The following PDLIM2 variants were observed in gnomAD, a reference collection of about 807,000 sequenced individuals.
PDLIM2 encodes the protein PDZ and LIM domain 2.
PDLIM2 carries 51 observed loss-of-function variants against 54.1 expected under a neutral mutation model. The ratio of observed to expected loss-of-function variants is 0.94; its 90% CI spans 0.75 to 1.19. The LOEUF is 1.19. Among genes scored for constraint, PDLIM2 ranks in the 50% most tolerant of loss-of-function variants. PDLIM2 has a pLI of 0.00. For synonymous variants in PDLIM2, 398 were observed against 385.6 expected (o/e 1.03, Z -0.38); for missense variants, 912 against 874.0 (o/e 1.04, Z -0.55).
At chr8:22,584,884 C>A (rs1042304371) in exon 4 of PDLIM2, 4 of 1,614,176 alleles carry the variant, frequency 2.5e-6, no homozygotes, top group Non-Finnish European at 3.4e-6. Context: ...TGGCGACTCG[C>A]TTCCAGGTAA....
At chr8:22,584,028 G>A (rs1338001035) in intron 3 of PDLIM2, among the ~76,000 whole-genome samples, 2 of 151,878 alleles carry the variant, frequency 1.3e-5, no homozygotes, top group South Asian at 2.1e-4. Context: ...TTGAGATGGA[G>A]TCTCACTCTG....
chr8:22,584,808 G>A lies in PDLIM2; in HGVS notation c.996-13G>A, dbSNP rs1167555710. 1.2e-6 allele frequency: 2 copies of A among 1,613,878 alleles called. No homozygotes were observed. The highest frequency in any genetic ancestry group is 2.7e-5 in the African/African-American group (2 of 75,046). ...GGCCCCTGTGACATTCCCTCCCTCT[G>A]TTGCCTTCTCAGGTCTCAGGCTACG... On this transcript the variant is annotated splice_polypyrimidine_tract_variant and intron_variant, in intron 3 of 9. Coordinates refer to ENST00000308354, the Ensembl canonical transcript of PDLIM2.
exon 1 of PDLIM2, chr8:22,579,298 G>A (rs1800121065): frequency 7.2e-7 from 1 of 1,386,678 alleles, no homozygotes; most frequent in Non-Finnish European, 9.3e-7. Flanking sequence ...CGCCCCTGTC[G>A]GCGCGGAACC....
intron 6 of PDLIM2, chr8:22,588,484 C>T (rs1348094215): frequency 2.0e-5 from 3 of 152,256 alleles, no homozygotes; most frequent in East Asian, 1.9e-4. Flanking sequence ...GGTGCGGGCT[C>T]CGGGAGCTCA....
intron 6 of PDLIM2, 152 bp from the exon 6 acceptor site, chr8:22,589,146 C>T (rs1800459395): frequency 1.6e-6 from 1 of 623,262 alleles, no homozygotes; most frequent in Non-Finnish European, 2.7e-6. Context: ...CCCCCGACAC[C>T]TTGGCTCCAA....
intron 6 of PDLIM2, 189 bp downstream of exon 5, chr8:22,585,588 T>C: frequency 2.2e-5 from 4 of 184,182 alleles, no homozygotes; most frequent in Non-Finnish European, 3.6e-5. Flanking sequence ...ACCTGTGCTG[T>C]GCCCAAGACC....
intron 3 of PDLIM2, among the ~76,000 whole-genome samples, chr8:22,583,854 G>GAAAAAAAAAAAAAAAAAAAAAAAAA (rs530039600): frequency 1.3e-5 from 1 of 79,132 alleles, no homozygotes; most frequent in African/African-American, 5.4e-5. Context: ...AGGCAAAATA[G>GAAAAAAAAAAAAAAAAAAAAAAAAA]AAAAAAAAAA....
chr8:22,589,554 C>A, intron 7 of PDLIM2, 42 bp from the exon 7 acceptor site: 1 of 1,581,384 alleles, frequency 6.3e-7, no homozygotes. Context: ...TGCCTAAGCT[C>A]CGGCACGGGA....
chr8:22,585,576 C>T, intron 6 of PDLIM2, 177 bp downstream of exon 5: 1 of 650,530 alleles, frequency 1.5e-6, no homozygotes, highest in South Asian at 1.9e-5. Flanking sequence ...TGGTCGTGGG[C>T]CACCTGTGCT....
intron 3 of PDLIM2, among the ~76,000 whole-genome samples, chr8:22,584,047 C>T (rs1298578275): frequency 6.6e-6 from 1 of 151,760 alleles, no homozygotes; most frequent in Non-Finnish European, 1.5e-5. Context: ...TGTCGCCCAG[C>T]CTGGAGTGCA....
At chr8:22,581,581 C>A in intron 3 of PDLIM2, 51 bp downstream of exon 2, 1 of 1,523,672 alleles carries the variant, frequency 6.6e-7, no homozygotes, top group Non-Finnish European at 8.8e-7. Context: ...CCTCCACCAC[C>A]CCACGTATTG....
In PDLIM2 at chr8:22,593,997, C is replaced by T. The variant is rs1437476628; in HGVS notation, c.*87C>T. The stretch of plus-strand genomic sequence containing the variant: ...TGGCAGGGACAATGGTGGGCAGTTG[C>T]TCTTACATGAGCTAAGTTTGGAGAC... On this transcript the variant is annotated 3_prime_UTR_variant, in exon 10 of 10. Coordinates refer to ENST00000308354, the Ensembl canonical transcript of PDLIM2. 4.7e-6 allele frequency: 7 copies of T among 1,481,262 alleles called. No individual in the cohort carries two copies. The East Asian group carries it at 1.2e-4, about 26-fold the overall frequency. The allele number at this position is 1,481,262 out of a possible 1,614,324, so 91.8% of individuals were successfully genotyped here. A position where few individuals can be genotyped will look rare whatever the true frequency, so the allele number is the denominator to read the frequency against.
exon 5 of PDLIM2, chr8:22,585,019 C>T (rs200962291): frequency 9.9e-6 from 16 of 1,613,736 alleles, no homozygotes; most frequent in Non-Finnish European, 1.3e-5. Context: ...CTCCACAGGG[C>T]TCCGTGAGGA....
At chr8:22,596,899 C>T (rs1331185563), downstream of PDLIM2, 1 of 152,198 alleles carries the variant, frequency 6.6e-6, no homozygotes, top group African/African-American at 2.4e-5. Flanking sequence ...TCCAAGTACT[C>T]CTAGCTAGTA....
intron 6 of PDLIM2, among the ~76,000 whole-genome samples, chr8:22,586,143 T>C (rs952375418): frequency 2.0e-5 from 3 of 152,118 alleles, no homozygotes; most frequent in Non-Finnish European, 2.9e-5. Context: ...TACCTTTGGG[T>C]TGATTCTGCA....
chr8:22,582,920 C>G (rs1483837166), intron 3 of PDLIM2, among the ~76,000 whole-genome samples: 34 of 122,388 alleles, frequency 2.8e-4, no homozygotes, highest in Non-Finnish European at 3.7e-4. Context: ...CCCCCCCCCC[C>G]GCCCCCATCT....
intron 9 of PDLIM2, chr8:22,592,244 G>C (rs1445148848): frequency 6.6e-6 from 1 of 151,902 alleles, no homozygotes; most frequent in African/African-American, 2.4e-5. Context: ...ACCACTCCCA[G>C]CTAATTTTTG....
chr8:22,586,689 G>A (rs571061432), intron 6 of PDLIM2, among the ~76,000 whole-genome samples: 3 of 152,234 alleles, frequency 2.0e-5, no homozygotes, highest in East Asian at 3.9e-4. Context: ...GCTCTGTTCC[G>A]CGACACCTCT....
intron 3 of PDLIM2, among the ~76,000 whole-genome samples, chr8:22,581,806 C>T (rs76170526): frequency 0.033 from 5,092 of 152,320 alleles, 292 homozygotes; most frequent in African/African-American, 0.11. Context: ...CCTTGAAGCC[C>T]GGGTTTGACT....
Sources: gnomAD v4.1 joint callset for allele counts (sites outside exome capture counted in the v4.1 genomes callset) on GRCh38, gnomAD v4.1.1 for gene constraint, MANE v1.5 for transcripts, NCBI Gene and HGNC (gene_info 2026-07-23, HGNC 2026-07-21) for gene names.